UBR3: variants seen among roughly 807,000 people sequenced by gnomAD.
UBR3 encodes the protein E3 ubiquitin-protein ligase UBR3.
Under a neutral mutation model 243.2 loss-of-function variants are expected in UBR3, and 85 were observed. The ratio of observed to expected loss-of-function variants is 0.35; its 90% confidence interval spans 0.29 to 0.42. The LOEUF is 0.42. Among genes scored for constraint, UBR3 ranks in the 10% least tolerant of loss-of-function variants. UBR3 has a pLI of 1.00. For synonymous variants in UBR3, 748 were observed against 799.8 expected (o/e 0.94, Z 1.09); for missense variants, 1,686 against 2,300.8 (o/e 0.73, Z 5.47).
intron 35 of UBR3, among the ~76,000 whole-genome samples, chr2:170,068,947 GAATT>G (rs1422946175): frequency 4.6e-5 from 7 of 152,106 alleles, no homozygotes; most frequent in African/African-American, 1.7e-4. Context: ...TATCAAGTAA[GAATT>G]AATTTAGTTA....
At chr2:170,020,622 T>G (rs998157989) in intron 30 of UBR3, among the ~76,000 whole-genome samples, 2 of 152,166 alleles carry the variant, frequency 1.3e-5, no homozygotes, top group Non-Finnish European at 2.9e-5. Flanking sequence ...CCCTGTTAAT[T>G]AACATCATTG....
intron 19 of UBR3, among the ~76,000 whole-genome samples, chr2:169,940,994 G>T (rs1316329222): frequency 1.3e-5 from 2 of 152,020 alleles, no homozygotes; most frequent in Non-Finnish European, 2.9e-5. Context: ...TCACTTGTTA[G>T]TTATTGACAT....
intron 31 of UBR3, among the ~76,000 whole-genome samples, chr2:170,036,457 C>T (rs565751331): frequency 6.6e-6 from 1 of 151,956 alleles, no homozygotes; most frequent in East Asian, 1.9e-4. Flanking sequence ...CTATTTTTAT[C>T]TTATCAGCCA....
chr2:169,839,820 A>G (rs543498824), intron 1 of UBR3, among the ~76,000 whole-genome samples: 1 of 152,354 alleles, frequency 6.6e-6, no homozygotes, highest in Non-Finnish European at 1.5e-5. Context: ...CTTGAGAATA[A>G]TTGTCTTGCT....
chr2:169,887,520 G>A (rs2084149298), intron 5 of UBR3, among the ~76,000 whole-genome samples: 1 of 152,060 alleles, frequency 6.6e-6, no homozygotes. Flanking sequence ...TAACAGTACT[G>A]TACTTTCTAA....
intron 35 of UBR3, among the ~76,000 whole-genome samples, chr2:170,064,831 ATATG>A (rs2091526110): frequency 2.5e-5 from 2 of 79,966 alleles, no homozygotes; most frequent in Admixed American, 2.6e-4. Flanking sequence ...TTTTTGCTAT[ATATG>A]AGCTTTTATT....
intron 5 of UBR3, among the ~76,000 whole-genome samples, chr2:169,888,722 C>T (rs948309893): frequency 1.3e-5 from 2 of 152,154 alleles, no homozygotes; most frequent in African/African-American, 4.8e-5. Flanking sequence ...ATTATAATGA[C>T]ATATTTTCCC....
intron 13 of UBR3, 71 bp from the exon 14 acceptor site, chr2:169,925,548 A>G: frequency 7.5e-7 from 1 of 1,333,746 alleles, no homozygotes; most frequent in Non-Finnish European, 1.0e-6. Context: ...ATATTTTGAA[A>G]TGGTTATTTA....
At chr2:170,042,977 A>C (rs2091004714) in intron 32 of UBR3, among the ~76,000 whole-genome samples, 1 of 151,888 alleles carries the variant, frequency 6.6e-6, no homozygotes, top group East Asian at 1.9e-4. Context: ...TTTTTGTGTC[A>C]CTTTGGTTAG....
intron 33 of UBR3, among the ~76,000 whole-genome samples, chr2:170,057,545 T>A (rs1400845811): frequency 1.3e-5 from 2 of 152,222 alleles, no homozygotes; most frequent in Non-Finnish European, 2.9e-5. Context: ...TTTAAATGTT[T>A]CCTTAGTAAG....
intron 33 of UBR3, 75 bp downstream of exon 33, chr2:170,055,659 G>A: frequency 6.5e-7 from 1 of 1,547,406 alleles, no homozygotes; most frequent in Middle Eastern, 1.7e-4. Context: ...GTGAATAAGA[G>A]TAGGTGTTAC....
intron 30 of UBR3, among the ~76,000 whole-genome samples, chr2:170,023,748 A>G (rs1409531441): frequency 6.6e-6 from 1 of 152,070 alleles, no homozygotes; most frequent in South Asian, 2.1e-4. Context: ...ACCTGCCACT[A>G]CACCTGGCTA....
Position 170,081,712 on chromosome 2 carries a change from T to TC in UBR3, c.5550-13dup. On this transcript the variant is annotated splice_polypyrimidine_tract_variant and intron_variant, in intron 38 of 38. Transcript: ENST00000272793. ...GTGTATGATATTAATACTTTTTTTT[T>TC]CTTTTTGTTCTAGGCGAGGCAAACC... The TC allele has an allele frequency of 1.3e-6, 2 of 1,555,252 alleles. No individual in the cohort carries two copies. Among genetic ancestry groups the TC allele is most frequent in the Non-Finnish European group, 1.7e-6 (2 of 1,147,958 alleles).
At chr2:169,942,415 G>A in intron 19 of UBR3, 78 bp from the exon 20 acceptor site, 2 of 1,354,486 alleles carry the variant, frequency 1.5e-6, no homozygotes, top group South Asian at 1.5e-5. Context: ...GACAGAAATT[G>A]GTGTCTATAA....
intron 18 of UBR3, among the ~76,000 whole-genome samples, chr2:169,930,426 G>A (rs1475517926): frequency 6.6e-6 from 1 of 151,010 alleles, no homozygotes; most frequent in African/African-American, 2.4e-5. Flanking sequence ...TCACTTTGTC[G>A]CTCAGGCTGG....
chr2:170,040,218 A>C (rs2090933518), intron 31 of UBR3, among the ~76,000 whole-genome samples: 1 of 152,128 alleles, frequency 6.6e-6, no homozygotes, highest in Non-Finnish European at 1.5e-5. Flanking sequence ...AGCCCGCTGC[A>C]GCCTTGACCT....
rs1439357143 is a variant in UBR3, at chr2:169,922,306, AAG to A, written c.1867-1620_1867-1619del. On this transcript the variant is annotated intron_variant, in intron 11 of 38. Coordinates refer to ENST00000272793, the MANE Select transcript of UBR3 (RefSeq NM_172070.4). ...GTCTATTTAAAAAAAAAAAAAAAAA[AAG>A]AGTCTGCACTTATCCACTGTGCTTA... Among the ~76,000 whole-genome samples the A allele has an allele frequency of 2.6e-5, 4 of 151,820 alleles. No homozygotes were observed. The East Asian group carries it at 7.7e-4, about 29-fold the overall frequency.
chr2:169,852,628 A>G (rs2082693225), intron 1 of UBR3, among the ~76,000 whole-genome samples: 1 of 150,568 alleles, frequency 6.6e-6, no homozygotes, highest in Non-Finnish European at 1.5e-5. Flanking sequence ...GGATCACTTG[A>G]GGTCAGGGAT....
In UBR3 at chr2:169,877,502, G is replaced by A; in HGVS notation, c.853G>A (p.Glu285Lys). 1 of 1,527,468 alleles carries A rather than the reference G, an allele frequency of 6.5e-7. No homozygotes were observed. The highest frequency in any genetic ancestry group is 8.8e-7 in the Non-Finnish European group (1 of 1,141,686). 94.6% of individuals were successfully genotyped at this position (1,527,468 alleles called of 1,614,324 possible). ...NYKDLTSGLGENACVKKSHEK... is the reference protein window; with the variant it reads ...NYKDLTSGLGKNACVKKSHEK... Reference sequence around the variant, plus strand: ...AAGTTTGTTTTAATTAGGTCTTGGAGAAAATGCTTGTGTAAAGAAAAGTCA... The same window carrying A: ...AAGTTTGTTTTAATTAGGTCTTGGAAAAAATGCTTGTGTAAAGAAAAGTCA... Residue 285 changes from glutamate (E) to lysine (K), a missense_variant, in exon 4 of 39, where the codon GAA becomes AAA. Around this residue, in one of 8 missense-constraint regions of UBR3, gnomAD observed 200 missense variants for 231.6 expected, o/e 0.86. Transcript: ENST00000272793.
Sources: gnomAD v4.1 joint callset for allele counts (sites outside exome capture counted in the v4.1 genomes callset) on GRCh38, gnomAD v4.1.1 for gene constraint, gnomAD v4.1.1 regional missense constraint, MANE v1.5 for transcripts, NCBI Gene and HGNC (gene_info 2026-07-23, HGNC 2026-07-21) for gene names.